MAP3K1: variants seen among roughly 807,000 people sequenced by gnomAD.
MAP3K1 encodes MAP/ERK kinase kinase 1.
A neutral mutation model predicts 144.2 loss-of-function variants in MAP3K1; 36 were observed. The observed-to-expected ratio is 0.25, with a 90% CI of 0.19 to 0.33. The LOEUF (loss-of-function observed/expected upper bound fraction) is 0.33. Ranked by LOEUF, MAP3K1 falls within the 10% of genes least tolerant of loss-of-function variation. MAP3K1 has a pLI of 1.00. For missense variants in MAP3K1, 1,650 were observed against 1,881.9 expected (o/e 0.88, Z 2.28); for synonymous variants, 718 against 688.7 (o/e 1.04, Z -0.67).
At position 56,882,828 on chromosome 5, in the gene MAP3K1, G is replaced by A. The variant is rs1748265666; in HGVS notation, c.3628G>A (p.Val1210Ile). ...CCTCCCCATAGTTCCTCAGCTGCAG[G>A]TTGAAAATGGAGAAGATATCATCAT... ...DALPIVPQLQ[V>I]ENGEDIIIIQ... Residue 1210 changes from valine (V) to isoleucine (I), a missense_variant, in exon 14 of 20, where the codon GTT (valine) becomes ATT (isoleucine). Physicochemically the swap from Val to Ile is conservative, Grantham distance 29 (BLOSUM62 3). Coordinates refer to ENST00000399503, the MANE Select transcript of MAP3K1 (RefSeq NM_005921.2). 1 of 1,612,154 alleles carries A rather than the reference G, an allele frequency of 6.2e-7. No individual in the cohort carries two copies.
chr5:56,887,859 A>G (rs1367853647), intron 18 of MAP3K1: 3 of 434,866 alleles, frequency 6.9e-6, no homozygotes, highest in Non-Finnish European at 1.3e-5. Flanking sequence ...ATGAGCATAC[A>G]GAGGCAGCTC....
intron 1 of MAP3K1, among the ~76,000 whole-genome samples, chr5:56,847,161 A>G (rs1309573610): frequency 6.6e-6 from 1 of 152,244 alleles, no homozygotes; most frequent in Admixed American, 6.5e-5. Context: ...TGCAAGGAAT[A>G]TAGCCCCTTT....
intron 2 of MAP3K1, among the ~76,000 whole-genome samples, chr5:56,857,749 A>G (rs976941246): frequency 6.6e-6 from 1 of 152,194 alleles, no homozygotes; most frequent in Admixed American, 6.5e-5. Context: ...TGCCTCAGAA[A>G]GCTCTCTTAG....
At position 56,887,430 on chromosome 5, in the gene MAP3K1, T is replaced by A; in HGVS notation, c.4167T>A (p.Phe1389Leu). Residue 1389 changes from phenylalanine to leucine, a missense_variant, in exon 18 of 20, where the codon TTT (phenylalanine) becomes TTA (leucine). This residue lies in a region of MAP3K1 where 165 missense variants were observed against 322.9 expected (regional missense o/e 0.51). Transcript: ENST00000399503. ...STGQRLRIAD[F>L]GAAARLASKG... ...GTCAGAGACTAAGAATTGCAGATTT[T>A]GGAGCTGCAGCCAGGTTGGCATCAA... 6.2e-7 allele frequency: 1 copy of A among 1,614,180 alleles called. No individual in the cohort carries two copies.
At position 56,893,528 on chromosome 5, in the gene MAP3K1, C is replaced by T. The variant is rs1748612048; in HGVS notation, c.4390-3C>T. 6.2e-7 allele frequency: 1 copy of T among 1,613,798 alleles called. No homozygotes were observed. Among genetic ancestry groups the T allele is most frequent in the Non-Finnish European group, 8.5e-7 (1 of 1,179,766 alleles). On this transcript the variant is annotated splice_region_variant and splice_polypyrimidine_tract_variant and intron_variant, in intron 19 of 19. Coordinates refer to ENST00000399503, the MANE Select transcript of MAP3K1 (RefSeq NM_005921.2). Reference sequence around the variant, plus strand: ...AGCTTCAACACTGGCTTTTTCTCCACAGATTGCTAGTGCAACTACTGCTCC... The same window carrying T: ...AGCTTCAACACTGGCTTTTTCTCCATAGATTGCTAGTGCAACTACTGCTCC...
At chr5:56,872,312 A>G (rs1188939872) in intron 7 of MAP3K1, among the ~76,000 whole-genome samples, 5 of 152,204 alleles carry the variant, frequency 3.3e-5, no homozygotes, top group African/African-American at 1.2e-4. Flanking sequence ...GAAGGTATAC[A>G]TGAAGGGAAG....
intron 3 of MAP3K1, among the ~76,000 whole-genome samples, chr5:56,864,494 G>A (rs964749757): frequency 1.3e-5 from 2 of 151,352 alleles, no homozygotes; most frequent in African/African-American, 4.9e-5. Context: ...TCCTGCCTCA[G>A]CCTCAGAGTA....
At position 56,888,132 on chromosome 5, in the gene MAP3K1, C is replaced by T. The variant is rs1380565274; in HGVS notation, c.4258-94C>T. ...CAGAATTCCTGTTTGTACCAGTTTTCTCCCTAAAGTAAGGAAGTAGAATCT... is the reference window on the plus strand; with the variant it reads ...CAGAATTCCTGTTTGTACCAGTTTTTTCCCTAAAGTAAGGAAGTAGAATCT... On this transcript the variant is annotated intron_variant, in intron 18 of 19. Coordinates refer to ENST00000399503, the MANE Select transcript of MAP3K1 (RefSeq NM_005921.2). The T allele has an allele frequency of 3.5e-6, 4 of 1,137,910 alleles. No individual in the cohort carries two copies. The East Asian group carries it at 9.4e-5, about 27-fold the overall frequency. 70.5% of individuals were successfully genotyped at this position (1,137,910 alleles called of 1,614,324 possible).
chr5:56,889,784 A>T (rs545551977), intron 19 of MAP3K1, among the ~76,000 whole-genome samples: 2 of 152,144 alleles, frequency 1.3e-5, no homozygotes, highest in African/African-American at 4.8e-5. Context: ...TGGGATTACT[A>T]TGAAGATAAA....
chr5:56,817,240 T>A, intron 1 of MAP3K1: 1 of 316,740 alleles, frequency 3.2e-6, no homozygotes, highest in Non-Finnish European at 4.6e-6. Context: ...AAAACCTGAT[T>A]AACGTATGCA....
At position 56,859,789 on chromosome 5, in the gene MAP3K1, C is replaced by T; in HGVS notation, c.708C>T (p.Val236=). The change falls in exon 3 of 20, where the codon GTC becomes GTT. Residue 236 remains valine (V), a synonymous_variant. Transcript: ENST00000399503. ...NHLAAESPGE[V]QASAASPASK... ...TAGCAGCTGAGTCTCCAGGAGAGGT[C>T]CAGGCAAGTGCGGCTTCACCAGCTT... 6.2e-7 allele frequency: 1 copy of T among 1,613,982 alleles called. No homozygotes were observed. Among genetic ancestry groups the T allele is most frequent in the African/African-American group, 1.3e-5 (1 of 75,030 alleles).
intron 1 of MAP3K1, among the ~76,000 whole-genome samples, chr5:56,852,889 C>CTATA (rs1747218062): frequency 6.6e-6 from 1 of 151,874 alleles, no homozygotes; most frequent in Non-Finnish European, 1.5e-5. Context: ...TAAATCACTG[C>CTATA]TATATACATA....
In MAP3K1 at chr5:56,864,717, A is replaced by G. The variant is rs1259271950; in HGVS notation, c.835-17A>G. 3 of 1,613,672 alleles carry G rather than the reference A, an allele frequency of 1.9e-6. No individual in the cohort carries two copies. Among genetic ancestry groups the G allele is most frequent in the Non-Finnish European group, 8.5e-7 (1 of 1,179,736 alleles). On this transcript the variant is annotated splice_polypyrimidine_tract_variant and intron_variant, in intron 3 of 19. Transcript: ENST00000399503. Reference sequence around the variant, plus strand: ...AAGAAATGAGAAACGTACCTAATAAAAAAAAATGTTGTGAAGTTTCAGAGT... The same window carrying G: ...AAGAAATGAGAAACGTACCTAATAAGAAAAAATGTTGTGAAGTTTCAGAGT...
At chr5:56,869,990 CTTGT>C (rs1378175962) in intron 6 of MAP3K1, among the ~76,000 whole-genome samples, 2 of 152,214 alleles carry the variant, frequency 1.3e-5, no homozygotes, top group South Asian at 2.1e-4. Flanking sequence ...ACTTTGCTGA[CTTGT>C]TTGACTAGCT....
rs2111941749 is a variant in MAP3K1, at chr5:56,881,772, G to A, written c.2572G>A (p.Ala858Thr). 2 of 1,614,104 alleles carry A rather than the reference G, an allele frequency of 1.2e-6. No homozygotes were observed. Among genetic ancestry groups the A allele is most frequent in the Non-Finnish European group, 1.7e-6 (2 of 1,180,020 alleles). Residue 858 changes from alanine (A) to threonine (T), a missense_variant, in exon 14 of 20, where the codon GCT becomes ACT. Ala to Thr is a moderately conservative substitution (Grantham distance 58, BLOSUM62 0). This residue lies in a region of MAP3K1 where 841 missense variants were observed against 886.5 expected (regional missense o/e 0.95). Coordinates refer to ENST00000399503, the MANE Select transcript of MAP3K1 (RefSeq NM_005921.2). Reference sequence around the variant, plus strand: ...CACCAGGATGCGTCGCCGTTTGATGGCTATTGCAGATGAGGTGGAAATTGC... The same window carrying A: ...CACCAGGATGCGTCGCCGTTTGATGACTATTGCAGATGAGGTGGAAATTGC... ...HFTRMRRRLM[A>T]IADEVEIAEA... is the part of the protein sequence containing the mutation.
At chr5:56,820,260 CT>C in intron 1 of MAP3K1, 1 of 186,262 alleles carries the variant, frequency 5.4e-6, no homozygotes, top group Non-Finnish European at 1.0e-5. Context: ...ATGGTAAAAC[CT>C]CATGATTACA....
chr5:56,852,488 G>A (rs1747204385), intron 1 of MAP3K1, among the ~76,000 whole-genome samples: 1 of 152,142 alleles, frequency 6.6e-6, no homozygotes, highest in Admixed American at 6.5e-5. Context: ...TCATTCTTAG[G>A]AATGTCTAGA....
intron 3 of MAP3K1, among the ~76,000 whole-genome samples, chr5:56,861,417 C>G (rs1162010871): frequency 6.6e-6 from 1 of 151,806 alleles, no homozygotes; most frequent in South Asian, 2.1e-4. Flanking sequence ...ACTAAAAATA[C>G]AAAAATTAGC....
intron 1 of MAP3K1, among the ~76,000 whole-genome samples, chr5:56,855,591 T>C (rs1747320513): frequency 6.6e-6 from 1 of 152,218 alleles, no homozygotes; most frequent in South Asian, 2.1e-4. Context: ...TTTGGCTGAT[T>C]CTCTGAAGAT....
Sources: allele counts gnomAD v4.1 joint callset (sites outside exome capture counted in the v4.1 genomes callset), GRCh38; gene constraint gnomAD v4.1.1; regional missense constraint gnomAD v4.1.1; transcripts MANE v1.5; gene names NCBI Gene and HGNC (gene_info 2026-07-23, HGNC 2026-07-21).